The following PHACTR1 variants were observed in gnomAD, a reference collection of about 807,000 sequenced individuals.
PHACTR1 encodes RPEL repeat containing 1.
In PHACTR1, 16 loss-of-function variants were observed where a neutral mutation model predicts 69.2. The observed-to-expected ratio is 0.23, with a 90% CI of 0.16 to 0.35. The LOEUF (loss-of-function observed/expected upper bound fraction) is 0.35. PHACTR1 is among the 10% of genes least tolerant of loss of function. PHACTR1 has a pLI of 1.00. For synonymous variants in PHACTR1, 312 were observed against 284.5 expected (o/e 1.10, Z -0.97); for missense variants, 510 against 734.7 (o/e 0.69, Z 3.54).
At chr6:13,132,728 C>CA (rs145947276) in intron 5 of PHACTR1, among the ~76,000 whole-genome samples, 19 of 148,420 alleles carry the variant, frequency 1.3e-4, no homozygotes, top group African/African-American at 1.8e-4. Flanking sequence ...TACCGTATTG[C>CA]TAAAAAAAAA....
chr6:12,721,652 C>T (rs1762146677), intron 3 of PHACTR1, among the ~76,000 whole-genome samples: 1 of 152,152 alleles, frequency 6.6e-6, no homozygotes, highest in South Asian at 2.1e-4. Context: ...TCCCTAGATC[C>T]CCAGCACACA....
chr6:13,279,042 T>TC (rs1314708915), intron 12 of PHACTR1, among the ~76,000 whole-genome samples: 6 of 151,406 alleles, frequency 4.0e-5, no homozygotes, highest in Non-Finnish European at 8.8e-5. Flanking sequence ...TTTTTTTTTT[T>TC]TTTTGCTCCC....
chr6:12,771,837 G>A (rs1300902307), intron 4 of PHACTR1, among the ~76,000 whole-genome samples: 1 of 152,168 alleles, frequency 6.6e-6, no homozygotes, highest in Non-Finnish European at 1.5e-5. Context: ...TACAACTCTG[G>A]GGAGGGATAG....
chr6:13,034,683 C>T (rs1029685847), intron 4 of PHACTR1, among the ~76,000 whole-genome samples: 4 of 152,172 alleles, frequency 2.6e-5, no homozygotes, highest in Non-Finnish European at 4.4e-5. Context: ...CTGACTATGG[C>T]TTCTATATTT....
intron 11 of PHACTR1, among the ~76,000 whole-genome samples, chr6:13,276,396 T>C (rs1313457841): frequency 2.0e-5 from 3 of 152,212 alleles, no homozygotes; most frequent in Non-Finnish European, 4.4e-5. Context: ...GTGGGAGGTA[T>C]AGTCACCTTG....
chr6:12,753,064 A>T (rs1168166682), intron 4 of PHACTR1, among the ~76,000 whole-genome samples: 3 of 152,258 alleles, frequency 2.0e-5, no homozygotes, highest in Non-Finnish European at 2.9e-5. Flanking sequence ...CACATCAAAG[A>T]TTAAAACATT....
At chr6:13,065,728 T>C (rs1362786075) in intron 5 of PHACTR1, among the ~76,000 whole-genome samples, 1 of 152,136 alleles carries the variant, frequency 6.6e-6, no homozygotes, top group East Asian at 1.9e-4. Context: ...TCAGGGAAAT[T>C]GAAACATCAG....
intron 4 of PHACTR1, among the ~76,000 whole-genome samples, chr6:12,985,591 TAC>T (rs1796083234): frequency 1.3e-5 from 2 of 148,584 alleles, no homozygotes; most frequent in African/African-American, 4.9e-5. Context: ...TACACACACT[TAC>T]ACAAACACGA....
rs1300009274 is a variant in PHACTR1, at chr6:12,717,634, A to G, written c.-156A>G. 6.6e-6 allele frequency: 1 copy of G among 152,182 alleles called. No homozygotes were observed. The highest frequency in any genetic ancestry group is 1.5e-5 in the Non-Finnish European group (1 of 68,040). The allele number at this position is 152,182 out of a possible 1,614,324, so 9.4% of individuals were successfully genotyped here. A position where few individuals can be genotyped will look rare whatever the true frequency, so the allele number is the denominator to read the frequency against. On this transcript the variant is annotated 5_prime_UTR_variant, in exon 2 of 15. Transcript: ENST00000332995. ...TATTCATCACTGTTCTAATCAAACA[A>G]TCAAAATCGTTTACTTTCACCGGGA...
chr6:13,209,598 T>C (rs567700870), intron 8 of PHACTR1, among the ~76,000 whole-genome samples: 1 of 152,334 alleles, frequency 6.6e-6, no homozygotes, highest in East Asian at 1.9e-4. Flanking sequence ...ACAGCATCAA[T>C]GCCTGACACT....
At chr6:12,979,346 G>A (rs1582805750) in intron 4 of PHACTR1, among the ~76,000 whole-genome samples, 1 of 152,170 alleles carries the variant, frequency 6.6e-6, no homozygotes, top group African/African-American at 2.4e-5. Flanking sequence ...TAAACATGGC[G>A]GTGCTGCACC....
chr6:13,147,950 A>G (rs150201860), intron 5 of PHACTR1, among the ~76,000 whole-genome samples: 22 of 152,270 alleles, frequency 1.4e-4, no homozygotes, highest in African/African-American at 4.6e-4. Flanking sequence ...TACCTTTCTA[A>G]TTGTAATTCC....
rs530680533 is a variant in PHACTR1 at position 13,229,309 on chromosome 6, C to CA, written c.1235-722dup. On this transcript the variant is annotated intron_variant, in intron 9 of 14. Coordinates refer to ENST00000332995, the MANE Select transcript of PHACTR1 (RefSeq NM_030948.6). ...TGCCTGCCACCTTAGTTTTGACAAC[C>CA]AAAAAATGCCTTGGGATTTTGCCAG... 2.4e-3 allele frequency among the ~76,000 whole-genome samples: 367 copies of CA among 152,192 alleles called. 1 individual carries two copies. Among genetic ancestry groups the CA allele is most frequent in the African/African-American group, 8.0e-3 (334 of 41,512 alleles).
intron 4 of PHACTR1, among the ~76,000 whole-genome samples, chr6:12,998,786 G>A (rs935011680): frequency 5.9e-5 from 9 of 151,596 alleles, no homozygotes; most frequent in African/African-American, 2.2e-4. Flanking sequence ...GGTTATACTA[G>A]AAGAAAAAAG....
chr6:12,792,715 T>A (rs1772480013), intron 4 of PHACTR1, among the ~76,000 whole-genome samples: 1 of 152,086 alleles, frequency 6.6e-6, no homozygotes, highest in African/African-American at 2.4e-5. Flanking sequence ...TGGCCTAGTA[T>A]GTCTTTTGGA....
At chr6:13,207,241 C>T (rs1355498327) in intron 8 of PHACTR1, among the ~76,000 whole-genome samples, 1 of 152,060 alleles carries the variant, frequency 6.6e-6, no homozygotes, top group Non-Finnish European at 1.5e-5. Flanking sequence ...GTGTATATTA[C>T]TTTTATGATA....
chr6:13,136,677 GC>G (rs145922514), intron 5 of PHACTR1, among the ~76,000 whole-genome samples: 8,301 of 152,274 alleles, frequency 0.055, 538 homozygotes, highest in African/African-American at 0.15. Context: ...GAAAGATAAT[GC>G]GACTCCTCCT....
intron 4 of PHACTR1, among the ~76,000 whole-genome samples, chr6:12,986,905 T>TGCACCTGAAAG (rs1444108216): frequency 2.0e-5 from 3 of 152,166 alleles, no homozygotes; most frequent in African/African-American, 7.2e-5. Flanking sequence ...TGCTAAGAAA[T>TGCACCTGAAAG]GCACCTGAAA....
chr6:13,171,056 C>T (rs760419398), intron 6 of PHACTR1, among the ~76,000 whole-genome samples: 11 of 152,218 alleles, frequency 7.2e-5, no homozygotes, highest in Non-Finnish European at 1.5e-4. Flanking sequence ...AGGTCATCAC[C>T]TGCTTAGAGC....
Sources: gnomAD v4.1 joint callset for allele counts (sites outside exome capture counted in the v4.1 genomes callset) on GRCh38, gnomAD v4.1.1 for gene constraint, MANE v1.5 for transcripts, NCBI Gene and HGNC (gene_info 2026-07-23, HGNC 2026-07-21) for gene names.